The following CSMD1 variants were observed in gnomAD, a reference collection of about 807,000 sequenced individuals.
CSMD1 encodes CUB and Sushi multiple domains 1, also known as CUB and sushi domain-containing protein 1.
Under a neutral mutation model 417.5 loss-of-function variants are expected in CSMD1, and 213 were observed. That is an observed-to-expected ratio of 0.51 (90% CI 0.46 to 0.57). The LOEUF (loss-of-function observed/expected upper bound fraction) is 0.57. Ranked by LOEUF, CSMD1 falls within the 20% of genes least tolerant of loss-of-function variation. CSMD1 has a pLI of 0.00. For missense variants in CSMD1, 6,923 were observed against 4,529.7 expected, an observed-to-expected ratio of 1.53 and a Z score of -15.17; for synonymous variants, 2,862 against 1,736.8, an observed-to-expected ratio of 1.65 and a Z score of -16.11.
chr8:3,541,445 G>C (rs1798434907), intron 10 of CSMD1, among the ~76,000 whole-genome samples: 1 of 151,748 alleles, frequency 6.6e-6, no homozygotes, highest in South Asian at 2.1e-4. Context: ...CTAGGTGATG[G>C]GTTGATAGGT....
chr8:4,399,001 C>G (rs560827279), intron 3 of CSMD1, among the ~76,000 whole-genome samples: 3 of 152,248 alleles, frequency 2.0e-5, no homozygotes, highest in African/African-American at 7.2e-5. Flanking sequence ...TACTGAGCAC[C>G]TAATATGTAC....
Position 3,941,372 on chromosome 8 carries a change from TTC to T in CSMD1, c.818+56529_818+56530del, listed in dbSNP as rs1465898315. 5.9e-5 allele frequency among the ~76,000 whole-genome samples: 9 copies of T among 152,248 alleles called. No homozygotes were observed. The East Asian group carries it at 1.7e-3, about 29-fold the overall frequency. ...TGTATAATGAATGCTGATAATAATTTTCAAGTAATTTTTGATTTCTCAAAAGT... is the reference window on the plus strand; with the variant it reads ...TGTATAATGAATGCTGATAATAATTTAAGTAATTTTTGATTTCTCAAAAGT... On this transcript the variant is annotated intron_variant, in intron 5 of 69. Transcript: ENST00000635120.
chr8:4,786,866 T>C (rs1797426868), intron 1 of CSMD1, among the ~76,000 whole-genome samples: 2 of 152,204 alleles, frequency 1.3e-5, no homozygotes, highest in African/African-American at 4.8e-5. Flanking sequence ...AAGAAAATAG[T>C]AATTATTTAA....
chr8:3,666,980 G>A (rs1161448463), intron 7 of CSMD1, among the ~76,000 whole-genome samples: 5 of 152,154 alleles, frequency 3.3e-5, no homozygotes, highest in African/African-American at 4.8e-5. Flanking sequence ...GTAAGAGCTC[G>A]AATTTTAGCA....
At chr8:4,432,403 G>C (rs1336619303) in intron 2 of CSMD1, among the ~76,000 whole-genome samples, 1 of 152,148 alleles carries the variant, frequency 6.6e-6, no homozygotes, top group Non-Finnish European at 1.5e-5. Flanking sequence ...CAGGTTTCAT[G>C]TTATGTTGAT....
chr8:4,633,118 G>C (rs370843406), intron 2 of CSMD1, among the ~76,000 whole-genome samples: 4 of 152,214 alleles, frequency 2.6e-5, no homozygotes, highest in Non-Finnish European at 5.9e-5. Flanking sequence ...GGGCAGGAAA[G>C]GATCGTGCAT....
chr8:3,516,487 G>C (rs140793523), intron 10 of CSMD1, among the ~76,000 whole-genome samples: 2 of 152,270 alleles, frequency 1.3e-5, no homozygotes, highest in East Asian at 3.9e-4. Context: ...TCTGTGAAGA[G>C]GCTGTAGTAT....
intron 5 of CSMD1, among the ~76,000 whole-genome samples, chr8:3,932,273 G>C (rs1040792181): frequency 6.6e-6 from 1 of 150,542 alleles, no homozygotes; most frequent in African/African-American, 2.4e-5. Flanking sequence ...ATAGTTGGTT[G>C]AGAATTCTCA....
chr8:3,840,164 T>A (rs191965633), intron 5 of CSMD1, among the ~76,000 whole-genome samples: 41 of 152,300 alleles, frequency 2.7e-4, no homozygotes, highest in African/African-American at 9.6e-4. Context: ...TTTCTCAACA[T>A]GCCTAAGCTA....
chr8:4,714,685 C>G (rs968654383), intron 1 of CSMD1, among the ~76,000 whole-genome samples: 1 of 152,074 alleles, frequency 6.6e-6, no homozygotes, highest in Non-Finnish European at 1.5e-5. Flanking sequence ...TTAAAAGAAG[C>G]TAGGCAGTTC....
chr8:4,736,841 G>C (rs1445772480), intron 1 of CSMD1, among the ~76,000 whole-genome samples: 1 of 152,144 alleles, frequency 6.6e-6, no homozygotes. Flanking sequence ...TGTGGGGTAA[G>C]AAAATAGCTC....
chr8:3,661,656 C>T (rs995786655), intron 7 of CSMD1, among the ~76,000 whole-genome samples: 1 of 152,030 alleles, frequency 6.6e-6, no homozygotes, highest in African/African-American at 2.4e-5. Context: ...ACCATCTCGC[C>T]CAGCTAATTT....
chr8:3,756,541 T>C (rs188168580), intron 5 of CSMD1, among the ~76,000 whole-genome samples: 1 of 152,276 alleles, frequency 6.6e-6, no homozygotes, highest in East Asian at 1.9e-4. Context: ...ACGATCCTAA[T>C]GTAAAATATA....
chr8:4,829,496 C>A (rs944848338), intron 1 of CSMD1, among the ~76,000 whole-genome samples: 5 of 152,096 alleles, frequency 3.3e-5, no homozygotes, highest in Non-Finnish European at 5.9e-5. Context: ...AATCTCAGCA[C>A]TTTACCAGGC....
intron 3 of CSMD1, among the ~76,000 whole-genome samples, chr8:4,413,664 C>A (rs967492499): frequency 1.3e-5 from 2 of 151,988 alleles, no homozygotes; most frequent in South Asian, 4.2e-4. Context: ...AATGGTGTAC[C>A]GCGGATCCCA....
In CSMD1 at chr8:3,488,737, G is replaced by C. The variant is rs77682220; in HGVS notation, c.1448+4886C>G. Among the ~76,000 whole-genome samples the C allele has an allele frequency of 1.5e-4, 23 of 152,228 alleles. No individual in the cohort carries two copies. The East Asian group carries it at 3.9e-3, about 26-fold the overall frequency. On this transcript the variant is annotated intron_variant, in intron 11 of 69. Coordinates refer to ENST00000635120, the MANE Select transcript of CSMD1 (RefSeq NM_033225.6). ...GGCCGGGAAAGAAAAGCTAACAATG[G>C]ATAGACTTCAAGTCAAGAACAGGGT...
intron 1 of CSMD1, among the ~76,000 whole-genome samples, chr8:4,884,696 T>G (rs572067082): frequency 1.1e-4 from 17 of 152,176 alleles, no homozygotes; most frequent in African/African-American, 4.1e-4. Context: ...AAGGGTTTAT[T>G]TTTGGACTCT....
intron 8 of CSMD1, among the ~76,000 whole-genome samples, chr8:3,594,480 A>G (rs1801001087): frequency 6.6e-6 from 1 of 152,192 alleles, no homozygotes; most frequent in Non-Finnish European, 1.5e-5. Flanking sequence ...CCTGTTGGTA[A>G]CAAAGCTGAG....
intron 3 of CSMD1, among the ~76,000 whole-genome samples, chr8:4,169,868 T>C (rs745675596): frequency 3.3e-5 from 5 of 152,038 alleles, no homozygotes; most frequent in Non-Finnish European, 5.9e-5. Flanking sequence ...TTTAGGATAC[T>C]GTGTAATTTA....
Sources: gnomAD v4.1 joint callset for allele counts (sites outside exome capture counted in the v4.1 genomes callset) on GRCh38, gnomAD v4.1.1 for gene constraint, MANE v1.5 for transcripts, NCBI Gene and HGNC (gene_info 2026-07-23, HGNC 2026-07-21) for gene names.